The following SGCZ variants were observed in gnomAD, a reference collection of about 807,000 sequenced individuals.
The protein encoded by SGCZ is zeta-sarcoglycan.
Under a neutral mutation model 41.3 loss-of-function variants are expected in SGCZ, and 40 were observed. That is an observed-to-expected ratio of 0.97 (90% CI 0.75 to 1.26). The LOEUF (loss-of-function observed/expected upper bound fraction) is 1.26, where lower values mean the gene tolerates loss of function less well. Ranked by LOEUF, SGCZ falls within the 50% of genes most tolerant of loss-of-function variation. The pLI is 0.00. For synonymous variants in SGCZ, 206 were observed against 137.5 expected, an observed-to-expected ratio of 1.50 and a Z score of -3.49; for missense variants, 552 against 369.8, an observed-to-expected ratio of 1.49 and a Z score of -4.04.
intron 1 of SGCZ, among the ~76,000 whole-genome samples, chr8:14,798,272 AG>A (rs1801203796): frequency 6.6e-6 from 1 of 152,234 alleles, no homozygotes; most frequent in Non-Finnish European, 1.5e-5. Context: ...AAAGTATACA[AG>A]TCCTTTTTCT....
chr8:15,204,909 A>C (rs1284655678), intron 1 of SGCZ, among the ~76,000 whole-genome samples: 1 of 152,208 alleles, frequency 6.6e-6, no homozygotes, highest in Admixed American at 6.5e-5. Flanking sequence ...ACAGACATTA[A>C]AAAACCAGTT....
intron 4 of SGCZ, among the ~76,000 whole-genome samples, chr8:14,229,215 A>C (rs182323183): frequency 1.3e-5 from 2 of 152,260 alleles, no homozygotes; most frequent in East Asian, 3.9e-4. Context: ...TTCTGTTTGT[A>C]GGACACAAAC....
chr8:14,261,336 T>C (rs537559408), intron 3 of SGCZ, among the ~76,000 whole-genome samples: 1 of 152,284 alleles, frequency 6.6e-6, no homozygotes, highest in South Asian at 2.1e-4. Flanking sequence ...AGAAAAGGGC[T>C]CCTTTCTAAA....
At chr8:14,961,113 C>G (rs958869856) in intron 1 of SGCZ, among the ~76,000 whole-genome samples, 2 of 152,134 alleles carry the variant, frequency 1.3e-5, no homozygotes, top group Non-Finnish European at 2.9e-5. Context: ...TCAGTGGGGC[C>G]TGAAATTCAC....
At chr8:14,433,393 G>A (rs971203792) in intron 2 of SGCZ, among the ~76,000 whole-genome samples, 4 of 152,158 alleles carry the variant, frequency 2.6e-5, no homozygotes, top group African/African-American at 9.7e-5. Context: ...CCACCACAAT[G>A]AATTGTTTAT....
intron 1 of SGCZ, among the ~76,000 whole-genome samples, chr8:14,756,995 C>A (rs1799693569): frequency 6.6e-6 from 1 of 152,160 alleles, no homozygotes; most frequent in Non-Finnish European, 1.5e-5. Flanking sequence ...AAGTCCCAAT[C>A]ACGTCTGAAT....
Position 14,145,531 on chromosome 8 carries a change from C to A in SGCZ, c.547+19049G>T, listed in dbSNP as rs144491908. On this transcript the variant is annotated intron_variant, in intron 5 of 7. Transcript: ENST00000382080. ...ACCTAACTCTTCAATGCCCAGACAC[C>A]AAAGAACATTGTTAATATCAACACT... Among the ~76,000 whole-genome samples the A allele has an allele frequency of 8.5e-5, 13 of 152,176 alleles. No individual in the cohort carries two copies. The East Asian group carries it at 2.5e-3, about 29-fold the overall frequency.
intron 3 of SGCZ, among the ~76,000 whole-genome samples, chr8:14,307,897 G>A (rs961538117): frequency 6.6e-6 from 1 of 152,026 alleles, no homozygotes; most frequent in African/African-American, 2.4e-5. Context: ...CAAATTATTT[G>A]CATACCAAAG....
chr8:14,279,838 A>AT (rs150264255), intron 3 of SGCZ, among the ~76,000 whole-genome samples: 28,385 of 149,812 alleles, frequency 0.19, 2,838 homozygotes, highest in East Asian at 0.28. Flanking sequence ...TTCATGCTCC[A>AT]TTTTTTTTTT....
At chr8:15,179,317 A>G (rs1466718442) in intron 1 of SGCZ, among the ~76,000 whole-genome samples, 1 of 152,178 alleles carries the variant, frequency 6.6e-6, no homozygotes, top group East Asian at 1.9e-4. Context: ...TCTTTTCCTT[A>G]GCTTGTTCTC....
At chr8:14,550,470 G>C (rs200666501) in intron 2 of SGCZ, among the ~76,000 whole-genome samples, 1 of 151,814 alleles carries the variant, frequency 6.6e-6, no homozygotes, top group East Asian at 1.9e-4. Context: ...GGTAAAGTTT[G>C]CTTTTTCTTT....
At chr8:14,102,276 A>AAAGATATTCCTTCACAAG in intron 7 of SGCZ, 100 bp downstream of exon 7, 1 of 1,209,516 alleles carries the variant, frequency 8.3e-7, no homozygotes, top group Non-Finnish European at 1.1e-6. Context: ...TTTTCTACTG[A>AAAGATATTCCTTCACAAG]AAGATATTCC....
intron 1 of SGCZ, among the ~76,000 whole-genome samples, chr8:14,682,226 C>G (rs1180352172): frequency 6.6e-6 from 1 of 151,966 alleles, no homozygotes; most frequent in African/African-American, 2.4e-5. Flanking sequence ...GAAACTTTAA[C>G]AGGAATATAA....
At position 14,539,239 on chromosome 8, in the gene SGCZ, C is replaced by G. The variant is rs765698613; in HGVS notation, c.234+15493G>C. ...AATGGCCTAACCTGAAGATTTGGGACTTTTCAGCCTCTAATACAAAACCAT... is the reference window on the plus strand; with the variant it reads ...AATGGCCTAACCTGAAGATTTGGGAGTTTTCAGCCTCTAATACAAAACCAT... On this transcript the variant is annotated intron_variant, in intron 2 of 7. Coordinates refer to ENST00000382080, the MANE Select transcript of SGCZ (RefSeq NM_139167.4). 5.9e-5 allele frequency among the ~76,000 whole-genome samples: 9 copies of G among 151,982 alleles called. No individual in the cohort carries two copies. The South Asian group carries it at 6.2e-4, about 11-fold the overall frequency.
chr8:14,776,106 C>T (rs895903292), intron 1 of SGCZ, among the ~76,000 whole-genome samples: 1 of 152,178 alleles, frequency 6.6e-6, no homozygotes, highest in Non-Finnish European at 1.5e-5. Flanking sequence ...AAAGTGAACT[C>T]TTAATTCTTA....
chr8:14,803,494 C>G lies in SGCZ; in HGVS notation c.40-248568G>C, dbSNP rs574148262. ...ACGGCACCTGGAAAATCGGGTCACT[C>G]CCACCCGAATACCGCGCTTTTCCGA... On this transcript the variant is annotated intron_variant, in intron 1 of 7. Coordinates refer to ENST00000382080, the MANE Select transcript of SGCZ (RefSeq NM_139167.4). Among the ~76,000 whole-genome samples, 3 of 152,246 alleles carry G rather than the reference C, an allele frequency of 2.0e-5. No homozygotes were observed. In the South Asian group the frequency reaches 6.2e-4, roughly 32 times the overall value.
intron 5 of SGCZ, among the ~76,000 whole-genome samples, chr8:14,128,402 A>C (rs1194145262): frequency 6.6e-6 from 1 of 152,216 alleles, no homozygotes; most frequent in African/African-American, 2.4e-5. Flanking sequence ...CTTGAAAATA[A>C]CACATTGGTG....
intron 5 of SGCZ, among the ~76,000 whole-genome samples, chr8:14,109,347 T>C (rs1802305859): frequency 6.6e-6 from 1 of 152,152 alleles, no homozygotes; most frequent in Non-Finnish European, 1.5e-5. Flanking sequence ...GATACTTCAA[T>C]TACCAAAATC....
chr8:14,487,231 T>C (rs1460024948), intron 2 of SGCZ, among the ~76,000 whole-genome samples: 3 of 152,220 alleles, frequency 2.0e-5, no homozygotes, highest in Non-Finnish European at 4.4e-5. Context: ...CATCATTTCC[T>C]AATGTAATTG....
Sources: gnomAD v4.1 joint callset for allele counts (sites outside exome capture counted in the v4.1 genomes callset) on GRCh38, gnomAD v4.1.1 for gene constraint, MANE v1.5 for transcripts, NCBI Gene and HGNC (gene_info 2026-07-23, HGNC 2026-07-21) for gene names.